Variants in GMDS observed in about 807,000 individuals in gnomAD.
GMDS encodes GDP-mannose 4,6 dehydratase.
GMDS carries 20 observed loss-of-function variants against 49.9 expected under a neutral mutation model. The ratio of observed to expected loss-of-function variants is 0.40; its 90% CI spans 0.28 to 0.58. The LOEUF is 0.58. Ranked by LOEUF, GMDS falls within the 20% of genes least tolerant of loss-of-function variation. GMDS has a pLI of 0.42. For missense variants in GMDS, 362 were observed against 481.4 expected (o/e 0.75, Z 2.32); for synonymous variants, 177 against 178.6 (o/e 0.99, Z 0.07).
At chr6:1,626,918 T>C (rs185813748) in intron 9 of GMDS, among the ~76,000 whole-genome samples, 37 of 152,368 alleles carry the variant, frequency 2.4e-4, no homozygotes, top group East Asian at 5.8e-4. Flanking sequence ...AAGTATTTCA[T>C]TGAAACCAGA....
chr6:1,969,404 T>G (rs1275334616), intron 4 of GMDS, among the ~76,000 whole-genome samples: 2 of 151,814 alleles, frequency 1.3e-5, no homozygotes, highest in Non-Finnish European at 2.9e-5. Context: ...AGGGAAGGTA[T>G]TTGAATAACA....
chr6:2,135,003 T>C (rs1047849584), intron 1 of GMDS, among the ~76,000 whole-genome samples: 3 of 152,108 alleles, frequency 2.0e-5, no homozygotes, highest in African/African-American at 7.2e-5. Flanking sequence ...GATCAGAAAA[T>C]TGAAGAAAGC....
intron 9 of GMDS, among the ~76,000 whole-genome samples, chr6:1,725,070 TA>T (rs1766527523): frequency 6.6e-6 from 1 of 152,214 alleles, no homozygotes; most frequent in African/African-American, 2.4e-5. Flanking sequence ...GGGGTTTTCC[TA>T]ACCTCTCCAA....
intron 9 of GMDS, among the ~76,000 whole-genome samples, chr6:1,654,578 A>G (rs954235984): frequency 4.6e-5 from 7 of 152,188 alleles, no homozygotes; most frequent in African/African-American, 1.7e-4. Flanking sequence ...ATAAAGATGG[A>G]AAAAATGGTG....
At chr6:2,024,179 C>T (rs894997799) in intron 4 of GMDS, among the ~76,000 whole-genome samples, 5 of 152,042 alleles carry the variant, frequency 3.3e-5, no homozygotes, top group Non-Finnish European at 7.4e-5. Context: ...AAAATTACTG[C>T]CAGTTTAGAA....
chr6:1,736,394 C>T (rs1007244747), intron 8 of GMDS, among the ~76,000 whole-genome samples: 3 of 152,146 alleles, frequency 2.0e-5, no homozygotes, highest in Non-Finnish European at 2.9e-5. Context: ...TAACTTGAAG[C>T]TTATATGAAA....
chr6:1,722,111 G>A lies in GMDS; in HGVS notation c.987+4305C>T, dbSNP rs1372147173. Among the ~76,000 whole-genome samples, 8 of 144,090 alleles carry A rather than the reference G, an allele frequency of 5.6e-5. 1 individual carries two copies. In the East Asian group the frequency reaches 1.4e-3, roughly 26 times the overall value. The allele number at this position is 144,090 out of a possible 152,430, so 94.5% of individuals were successfully genotyped here. On this transcript the variant is annotated intron_variant, in intron 9 of 10. Transcript: ENST00000380815. ...AGATGGAATCTTGCTTTGACGCCCA[G>A]GCTGGAGTGCAGTGGTGTGATCTTG...
intron 9 of GMDS, among the ~76,000 whole-genome samples, chr6:1,725,058 C>A (rs1211218122): frequency 6.6e-6 from 1 of 152,206 alleles, no homozygotes; most frequent in Non-Finnish European, 1.5e-5. Flanking sequence ...TCTCTCTTCA[C>A]TGGGGTTTTC....
chr6:1,805,146 T>C (rs539415538), intron 7 of GMDS, among the ~76,000 whole-genome samples: 53 of 152,330 alleles, frequency 3.5e-4, no homozygotes, highest in African/African-American at 1.2e-3. Context: ...TAGATTTCTA[T>C]AAGGTAAATT....
intron 7 of GMDS, among the ~76,000 whole-genome samples, chr6:1,817,668 T>G (rs1413794330): frequency 1.3e-5 from 2 of 152,176 alleles, no homozygotes; most frequent in Non-Finnish European, 2.9e-5. Flanking sequence ...ACAAACAATT[T>G]AATTGCTTCT....
chr6:1,849,561 G>A (rs909957879), intron 7 of GMDS, among the ~76,000 whole-genome samples: 7 of 152,134 alleles, frequency 4.6e-5, no homozygotes, highest in Non-Finnish European at 8.8e-5. Context: ...AAATGTGAAG[G>A]CTTTTTATTT....
intron 7 of GMDS, among the ~76,000 whole-genome samples, chr6:1,821,809 A>G (rs1311273961): frequency 2.0e-5 from 3 of 151,996 alleles, no homozygotes; most frequent in Non-Finnish European, 4.4e-5. Context: ...GAAGGACCAC[A>G]TTTCAACTTT....
intron 7 of GMDS, among the ~76,000 whole-genome samples, chr6:1,770,892 G>A (rs960902699): frequency 6.6e-6 from 1 of 152,202 alleles, no homozygotes; most frequent in Non-Finnish European, 1.5e-5. Flanking sequence ...TAATTGAAGA[G>A]GCATTTGCCA....
chr6:1,986,249 C>T (rs992526944), intron 4 of GMDS, among the ~76,000 whole-genome samples: 2 of 152,170 alleles, frequency 1.3e-5, no homozygotes, highest in Admixed American at 1.3e-4. Context: ...CCTGCTTTCC[C>T]TACCTCAAAT....
At chr6:1,981,747 T>C (rs571984832) in intron 4 of GMDS, among the ~76,000 whole-genome samples, 28 of 152,332 alleles carry the variant, frequency 1.8e-4, no homozygotes, top group African/African-American at 6.5e-4. Context: ...CCAATATCCT[T>C]GATGAACATC....
intron 7 of GMDS, among the ~76,000 whole-genome samples, chr6:1,781,622 TG>T (rs1172665611): frequency 8.6e-6 from 1 of 116,138 alleles, no homozygotes; most frequent in African/African-American, 3.7e-5. Context: ...AATGTGGTGA[TG>T]GCTCTTCCAC....
intron 7 of GMDS, among the ~76,000 whole-genome samples, chr6:1,753,309 T>C (rs1178566387): frequency 2.0e-5 from 3 of 152,162 alleles, no homozygotes; most frequent in African/African-American, 7.2e-5. Context: ...CATTACATAA[T>C]GGTAAAGGGA....
Position 1,934,765 on chromosome 6 carries a change from CTCCTCATTTTTACTCCATGT to C in GMDS, c.644-4555_644-4536del, listed in dbSNP as rs908695013. On this transcript the variant is annotated intron_variant, in intron 6 of 10. Coordinates refer to ENST00000380815, the MANE Select transcript of GMDS (RefSeq NM_001500.4). Reference sequence around the variant, plus strand: ...AAATGATTTTTTTTTTAAATTTGCTCTCCTCATTTTTACTCCATGTTACAGAAGAATGCTCTTTTAAGGAA... The same window carrying C: ...AAATGATTTTTTTTTTAAATTTGCTCTACAGAAGAATGCTCTTTTAAGGAA... Among the ~76,000 whole-genome samples the C allele has an allele frequency of 6.4e-4, 98 of 151,968 alleles. 1 individual carries two copies. The highest frequency in any genetic ancestry group is 2.1e-3 in the African/African-American group (85 of 41,456).
chr6:2,222,124 A>G lies in GMDS; in HGVS notation c.102+23197T>C, dbSNP rs143147474. On this transcript the variant is annotated intron_variant, in intron 1 of 10. Coordinates refer to ENST00000380815, the MANE Select transcript of GMDS (RefSeq NM_001500.4). ...AGCGACTAGTATGCTGAAGTCTGAT[A>G]ATGACAGCTTTTACACACTGTCACC... is the stretch of plus-strand genomic sequence containing the variant. 5.5e-3 allele frequency among the ~76,000 whole-genome samples: 832 copies of G among 152,368 alleles called. 2 individuals carry two copies. The highest frequency in any genetic ancestry group is 0.017 in the Middle Eastern group (5 of 294).
Sources: allele counts gnomAD v4.1 joint callset (sites outside exome capture counted in the v4.1 genomes callset), GRCh38; gene constraint gnomAD v4.1.1; transcripts MANE v1.5; gene names NCBI Gene and HGNC (gene_info 2026-07-23, HGNC 2026-07-21).